Variants in SHROOM3 observed in about 807,000 individuals in gnomAD.
SHROOM3 encodes the protein shroom family member 3, also known as protein Shroom3.
Under a neutral mutation model 138.6 loss-of-function variants are expected in SHROOM3, and 47 were observed. The ratio of observed to expected loss-of-function variants is 0.34; its 90% CI spans 0.27 to 0.43. SHROOM3 has a LOEUF of 0.43. Ranked by LOEUF, SHROOM3 falls within the 20% of genes least tolerant of loss-of-function variation. SHROOM3 has a pLI of 1.00. For synonymous variants in SHROOM3, 1,062 were observed against 1,063.3 expected (o/e 1.00, Z 0.02); for missense variants, 2,491 against 2,596.5 (o/e 0.96, Z 0.88).
chr4:76,641,473 G>A (rs1229645662), intron 2 of SHROOM3, among the ~76,000 whole-genome samples: 5 of 152,136 alleles, frequency 3.3e-5, no homozygotes, highest in Non-Finnish European at 5.9e-5. Context: ...GGAAGCCTTT[G>A]TGTACTTTTA....
chr4:76,754,451 AGAGGCAAGCCAGTAG>A lies in SHROOM3; in HGVS notation c.3971_3985del (p.Arg1324_Arg1328del). ...GAATGTCCTGGAACCCTGGACCATCAGAGGCAAGCCAGTAGGACACCCTGCCCCAGGCCACCACTG... is the reference window on the plus strand; with the variant it reads ...GAATGTCCTGGAACCCTGGACCATCAGACACCCTGCCCCAGGCCACCACTG... On this transcript the variant is annotated inframe_deletion, in exon 7 of 11. Coordinates refer to ENST00000296043, the MANE Select transcript of SHROOM3 (RefSeq NM_020859.4). 6.2e-7 allele frequency: 1 copy of A among 1,614,160 alleles called. No homozygotes were observed. The highest frequency in any genetic ancestry group is 8.5e-7 in the Non-Finnish European group (1 of 1,180,016).
chr4:76,645,015 G>A (rs1002576012), intron 2 of SHROOM3, among the ~76,000 whole-genome samples: 8 of 152,182 alleles, frequency 5.3e-5, no homozygotes, highest in Non-Finnish European at 8.8e-5. Flanking sequence ...GAGAGATTAA[G>A]TAATTTACTT....
intron 1 of SHROOM3, among the ~76,000 whole-genome samples, chr4:76,546,413 G>A (rs1733219826): frequency 6.6e-6 from 1 of 152,200 alleles, no homozygotes; most frequent in Non-Finnish European, 1.5e-5. Flanking sequence ...CCATGGAAAT[G>A]TTTCTGTTTT....
intron 1 of SHROOM3, among the ~76,000 whole-genome samples, chr4:76,451,923 C>T (rs1730934606): frequency 6.6e-6 from 1 of 152,114 alleles, no homozygotes; most frequent in South Asian, 2.1e-4. Context: ...TACACTGCAG[C>T]CTCGAACTCT....
chr4:76,442,498 C>G (rs546237919), intron 1 of SHROOM3, among the ~76,000 whole-genome samples: 55 of 151,500 alleles, frequency 3.6e-4, no homozygotes, highest in African/African-American at 1.3e-3. Context: ...TAAGCTCCAC[C>G]TCCCGGGTTC....
At chr4:76,606,007 ATTTTTTTTTTT>A (rs1164704632) in intron 2 of SHROOM3, among the ~76,000 whole-genome samples, 2 of 77,830 alleles carry the variant, frequency 2.6e-5, no homozygotes, top group Admixed American at 1.8e-4. Flanking sequence ...ATATATATAT[ATTTTTTTTTTT>A]TTTTTTTTTT....
intron 1 of SHROOM3, among the ~76,000 whole-genome samples, chr4:76,437,749 C>T (rs1730590322): frequency 6.6e-6 from 1 of 152,148 alleles, no homozygotes; most frequent in Non-Finnish European, 1.5e-5. Context: ...ATTTGAGGTT[C>T]TTTTTGCAGG....
chr4:76,586,868 C>T (rs1734166060), intron 2 of SHROOM3: 1 of 152,144 alleles, frequency 6.6e-6, no homozygotes, highest in Admixed American at 6.5e-5. Flanking sequence ...GGATTTACAG[C>T]CTAATTTTAA....
intron 2 of SHROOM3, among the ~76,000 whole-genome samples, chr4:76,612,861 A>G (rs1332645936): frequency 6.6e-6 from 1 of 152,176 alleles, no homozygotes; most frequent in Non-Finnish European, 1.5e-5. Flanking sequence ...GATCACTTGA[A>G]GCCAGGAGTT....
In SHROOM3 at chr4:76,600,151, C is replaced by CCAAA. The variant is rs34727364; in HGVS notation, c.323+44405_323+44408dup. The stretch of plus-strand genomic sequence containing the variant: ...TGGGTGACAGAGTGAGACCCTGTCT[C>CCAAA]CAAACAAACAAACAAACAAAAACCC... On this transcript the variant is annotated intron_variant, in intron 2 of 10. Transcript: ENST00000296043. Among the ~76,000 whole-genome samples the CCAAA allele has an allele frequency of 4.3e-3, 647 of 151,684 alleles. 1 individual carries two copies. The highest frequency in any genetic ancestry group is 6.7e-3 in the Non-Finnish European group (458 of 67,894).
At chr4:76,597,216 A>G (rs549427841) in intron 2 of SHROOM3, among the ~76,000 whole-genome samples, 1 of 152,308 alleles carries the variant, frequency 6.6e-6, no homozygotes, top group South Asian at 2.1e-4. Flanking sequence ...AGGGAGTTTA[A>G]ATCTGGTGGC....
chr4:76,660,098 T>C (rs920631230), intron 2 of SHROOM3, among the ~76,000 whole-genome samples: 1 of 152,022 alleles, frequency 6.6e-6, no homozygotes, highest in African/African-American at 2.4e-5. Flanking sequence ...CTCACCCACG[T>C]CAGGGCACTG....
chr4:76,527,692 A>G (rs1052040206), intron 1 of SHROOM3, among the ~76,000 whole-genome samples: 4 of 152,232 alleles, frequency 2.6e-5, no homozygotes, highest in Non-Finnish European at 4.4e-5. Context: ...TGATTTAGTA[A>G]CTTGTCATTT....
At chr4:76,757,624 C>T (rs1721862029) in intron 8 of SHROOM3, among the ~76,000 whole-genome samples, 1 of 152,186 alleles carries the variant, frequency 6.6e-6, no homozygotes, top group Non-Finnish European at 1.5e-5. Flanking sequence ...GGTGTTGGCG[C>T]AAATCCTGAA....
chr4:76,443,631 G>A (rs924352022), intron 1 of SHROOM3, among the ~76,000 whole-genome samples: 7 of 152,166 alleles, frequency 4.6e-5, no homozygotes, highest in African/African-American at 1.7e-4. Flanking sequence ...ACTTCTCAAT[G>A]AAACAAAATG....
At chr4:76,770,981 C>G in intron 10 of SHROOM3, 83 bp downstream of exon 10, 1 of 1,550,602 alleles carries the variant, frequency 6.4e-7, no homozygotes, top group South Asian at 1.1e-5. Context: ...GCCATCCTTT[C>G]TCTCAGGAAG....
intron 2 of SHROOM3, among the ~76,000 whole-genome samples, chr4:76,617,618 A>G (rs1734910740): frequency 6.6e-6 from 1 of 152,212 alleles, no homozygotes; most frequent in Non-Finnish European, 1.5e-5. Context: ...TCATTGCATT[A>G]CAGAAATGTA....
chr4:76,774,480 A>G (rs1306887781), intron 10 of SHROOM3, among the ~76,000 whole-genome samples: 1 of 152,026 alleles, frequency 6.6e-6, no homozygotes, highest in Non-Finnish European at 1.5e-5. Context: ...CTGAATCTCT[A>G]AAAAAAATTT....
chr4:76,676,416 G>T (rs1206282323), intron 2 of SHROOM3, among the ~76,000 whole-genome samples: 3 of 152,136 alleles, frequency 2.0e-5, no homozygotes, highest in Admixed American at 6.5e-5. Flanking sequence ...CTAGGAGGAA[G>T]ATTTTTGTTT....
Sources: allele counts gnomAD v4.1 joint callset (sites outside exome capture counted in the v4.1 genomes callset), GRCh38; gene constraint gnomAD v4.1.1; transcripts MANE v1.5; gene names NCBI Gene and HGNC (gene_info 2026-07-23, HGNC 2026-07-21).